The following THOP1 variants were observed in gnomAD, a reference collection of about 807,000 sequenced individuals.
THOP1 encodes thimet oligopeptidase 1.
Under a neutral mutation model 71.8 loss-of-function variants are expected in THOP1, and 49 were observed. That is an observed-to-expected ratio of 0.68 (90% CI 0.54 to 0.87). The LOEUF (loss-of-function observed/expected upper bound fraction) is 0.87. Ranked by LOEUF, THOP1 falls within the 40% of genes least tolerant of loss-of-function variation. THOP1 has a pLI of 0.00. For missense variants in THOP1, 843 were observed against 975.6 expected (o/e 0.86, Z 1.81); for synonymous variants, 426 against 421.5 (o/e 1.01, Z -0.13).
chr19:2,812,038 C>G, intron 12 of THOP1: 1 of 1,079,512 alleles, frequency 9.3e-7, no homozygotes, highest in South Asian at 1.7e-5. Context: ...AAGCTCCACA[C>G]TGGCCCCTCA....
chr19:2,812,429 C>T, intron 12 of THOP1: 1 of 1,421,570 alleles, frequency 7.0e-7, no homozygotes, highest in Non-Finnish European at 9.2e-7. Context: ...GGTGCAGAGG[C>T]CAGGACCTGG....
Position 2,813,162 on chromosome 19 carries a change from G to A in THOP1, c.1956G>A (p.Glu652=). The change falls in exon 13 of 13, where the codon GAG becomes GAA. Residue 652 remains glutamate (E), a synonymous_variant. Transcript: ENST00000307741. ...RSCILRPGGS[E]DASAMLRRFL... ...GCATCCTGAGACCCGGCGGTTCCGA[G>A]GATGCCAGCGCCATGCTGAGGCGCT... 6.2e-7 allele frequency: 1 copy of A among 1,612,152 alleles called. No homozygotes were observed. The highest frequency in any genetic ancestry group is 8.5e-7 in the Non-Finnish European group (1 of 1,179,630).
At chr19:2,795,669 A>G (rs1915996504) in intron 3 of THOP1, among the ~76,000 whole-genome samples, 1 of 152,072 alleles carries the variant, frequency 6.6e-6, no homozygotes, top group Non-Finnish European at 1.5e-5. Flanking sequence ...TCCCACCTCC[A>G]CTTTCCAGAG....
At chr19:2,811,483 T>A in intron 11 of THOP1, 115 bp from the exon 12 acceptor site, 1 of 1,409,594 alleles carries the variant, frequency 7.1e-7, no homozygotes. Context: ...ACCGTGATCC[T>A]CCAGCTTCTC....
Position 2,810,355 on chromosome 19 carries a change from G to T in THOP1, c.1507G>T (p.Ala503Ser). 1 of 1,611,772 alleles carries T rather than the reference G, an allele frequency of 6.2e-7. No homozygotes were observed. The highest frequency in any genetic ancestry group is 8.5e-7 in the Non-Finnish European group (1 of 1,179,742). ...GTHVERDFVE[A>S]PSQMLENWVW... Reference sequence around the variant, plus strand: ...CCACGTGGAGCGGGACTTTGTGGAGGCGCCGTCGCAGATGCTGGAGAACTG... The same window carrying T: ...CCACGTGGAGCGGGACTTTGTGGAGTCGCCGTCGCAGATGCTGGAGAACTG... Residue 503 changes from alanine to serine, a missense_variant, in exon 10 of 13, where the codon GCG (alanine) becomes TCG (serine). Ala to Ser is a moderately conservative substitution (Grantham distance 99). Coordinates refer to ENST00000307741, the MANE Select transcript of THOP1 (RefSeq NM_003249.5).
rs1316841419 is a variant in THOP1, at chr19:2,806,004, T to C, written c.750+828T>C. 4 of 10,778 alleles carry C rather than the reference T, an allele frequency of 3.7e-4. No homozygotes were observed. The East Asian group carries it at 8.6e-3, about 23-fold the overall frequency. The allele number at this position is 10,778 out of a possible 1,614,324, so 0.7% of individuals were successfully genotyped here. On this transcript the variant is annotated intron_variant, in intron 6 of 12. Transcript: ENST00000307741. ...ATCACTGCGGGGGGTGGGGGACGGG[T>C]GGGTACCAATGGGGGTACAGGTGGG...
intron 3 of THOP1, 60 bp downstream of exon 3, chr19:2,794,972 C>G (rs923484285): frequency 1.9e-6 from 3 of 1,563,886 alleles, no homozygotes; most frequent in African/African-American, 2.7e-5. Flanking sequence ...TACAGGCGCC[C>G]GCCACCACAC....
At chr19:2,806,734 T>G in intron 6 of THOP1, 183 bp from the exon 7 acceptor site, 1 of 1,038,554 alleles carries the variant, frequency 9.6e-7, no homozygotes, top group Non-Finnish European at 1.4e-6. Context: ...AAAAAGGCCT[T>G]GGGATTATGA....
In THOP1 at chr19:2,804,201, A is replaced by T. The variant is rs1028055251; in HGVS notation, c.590-815A>T. ...GGCGTCTCCCGAGCCATGAGGTAGG[A>T]ACCCCAGAGGGTTTCAGTCCGGGAT... On this transcript the variant is annotated intron_variant, in intron 5 of 12. Transcript: ENST00000307741. This position sits in a 1 kb window ranked among gnomAD's most constrained non-coding sequence, Gnocchi z 4.7. Among the ~76,000 whole-genome samples the T allele has an allele frequency of 6.6e-6, 1 of 152,166 alleles. No individual in the cohort carries two copies. Among genetic ancestry groups the T allele is most frequent in the Non-Finnish European group, 1.5e-5 (1 of 68,028 alleles).
intron 12 of THOP1, 152 bp from the exon 13 acceptor site, chr19:2,812,963 A>AC: frequency 1.2e-6 from 1 of 825,388 alleles, no homozygotes; most frequent in Non-Finnish European, 1.9e-6. Context: ...GCGCTCTCCC[A>AC]CCTGTGCTGA....
Position 2,813,903 on chromosome 19 carries a change from C to G in THOP1, c.*627C>G, listed in dbSNP as rs1027825459. 6.6e-6 allele frequency: 1 copy of G among 152,456 alleles called. No homozygotes were observed. Among genetic ancestry groups the G allele is most frequent in the Non-Finnish European group, 1.5e-5 (1 of 68,236 alleles). 9.4% of individuals were successfully genotyped at this position (152,456 alleles called of 1,614,324 possible). A position where few individuals can be genotyped will look rare whatever the true frequency, so the allele number is the denominator to read the frequency against. On this transcript the variant is annotated 3_prime_UTR_variant, in exon 13 of 13. Coordinates refer to ENST00000307741, the MANE Select transcript of THOP1 (RefSeq NM_003249.5). ...GACCAGGCTCCACTGGTCAGAGAGT[C>G]TGGAAAGTCAGGGCAGGCCCTGTGC...
At position 2,810,753 on chromosome 19, in the gene THOP1, G is replaced by A. The variant is rs372119051; in HGVS notation, c.1756G>A (p.Val586Ile). The change falls in exon 11 of 13, where the codon GTC becomes ATC. Residue 586 changes from valine (V) to isoleucine (I), a missense_variant. Physicochemically the swap from Val to Ile is conservative, Grantham distance 29. Transcript: ENST00000307741. ...GCGGCTCTGCCAGGAGATCCTCGGG[G>A]TCCCGGCCACGCCAGGTAGCCACCC... ...YARLCQEILG[V>I]PATPGTNMPA... 9 of 1,602,408 alleles carry A rather than the reference G, an allele frequency of 5.6e-6. No homozygotes were observed. Among genetic ancestry groups the A allele is most frequent in the Non-Finnish European group, 7.7e-6 (9 of 1,176,456 alleles).
At chr19:2,786,721 C>T (rs1054384279) in intron 1 of THOP1, among the ~76,000 whole-genome samples, 4 of 149,738 alleles carry the variant, frequency 2.7e-5, no homozygotes, top group Non-Finnish European at 5.9e-5. Context: ...GCTTCAGCCT[C>T]CCAAGCAGCT....
At chr19:2,807,129 A>T in intron 7 of THOP1, 77 bp downstream of exon 7, 6 of 1,482,794 alleles carry the variant, frequency 4.0e-6, no homozygotes, top group Non-Finnish European at 4.5e-6. Context: ...AGTCGGTGCT[A>T]CCCCTAGAGC....
Position 2,802,025 on chromosome 19 carries a change from GATACCGCTACCTCTCA to G in THOP1, c.589+2242_589+2257del, listed in dbSNP as rs1166743841. Among the ~76,000 whole-genome samples, 49 of 149,866 alleles carry G rather than the reference GATACCGCTACCTCTCA, an allele frequency of 3.3e-4. 1 individual carries two copies. The highest frequency in any genetic ancestry group is 2.8e-3 in the Admixed American group (42 of 15,072). Reference sequence around the variant, plus strand: ...ACATCTCCCAATACCCACATCTCCCGATACCGCTACCTCTCAATACCGCCACCTCCCAACACTGCCA... The same window carrying G: ...ACATCTCCCAATACCCACATCTCCCGATACCGCCACCTCCCAACACTGCCA... On this transcript the variant is annotated intron_variant, in intron 5 of 12. Transcript: ENST00000307741.
Position 2,788,153 on chromosome 19 carries a change from C to T in THOP1, c.17-2268C>T, listed in dbSNP as rs538589654. On this transcript the variant is annotated intron_variant, in intron 1 of 12. Transcript: ENST00000307741. ...GGATACAAGATGTTTTGCCTTCATA[C>T]CTCACTGAATTCTTAGACAGTTCTT... Among the ~76,000 whole-genome samples, 35 of 152,288 alleles carry T rather than the reference C, an allele frequency of 2.3e-4. 1 individual carries two copies. The highest frequency in any genetic ancestry group is 8.2e-4 in the African/African-American group (34 of 41,550).
In THOP1 at chr19:2,807,174, C is replaced by T. The variant is rs543918594; in HGVS notation, c.886+122C>T. On this transcript the variant is annotated intron_variant, in intron 7 of 12. Transcript: ENST00000307741. Reference sequence around the variant, plus strand: ...TCCCTCCATGAAGAGGGACTTCTGACGCCTGCCCTGGCTCCCTCACTCCCC... The same window carrying T: ...TCCCTCCATGAAGAGGGACTTCTGATGCCTGCCCTGGCTCCCTCACTCCCC... The T allele has an allele frequency of 6.2e-5, 84 of 1,354,088 alleles. No homozygotes were observed. The African/African-American group carries it at 7.7e-4, about 12-fold the overall frequency. 83.9% of individuals were successfully genotyped at this position (1,354,088 alleles called of 1,614,324 possible).
chr19:2,799,670 G>GT lies in THOP1; in HGVS notation c.487-19_487-18insT. The GT allele has an allele frequency of 6.5e-7, 1 of 1,545,370 alleles. No individual in the cohort carries two copies. Among genetic ancestry groups the GT allele is most frequent in the Non-Finnish European group, 8.9e-7 (1 of 1,128,022 alleles). The stretch of plus-strand genomic sequence containing the variant: ...CGCCCCGGTCTCTCCCTCCCCTCAC[G>GT]CCCCGCCTTTCTCTCCAGAACATCA... On this transcript the variant is annotated intron_variant, in intron 4 of 12. Transcript: ENST00000307741.
intron 9 of THOP1, 135 bp from the exon 10 acceptor site, chr19:2,810,169 G>A: frequency 1.8e-6 from 2 of 1,141,326 alleles, no homozygotes; most frequent in Non-Finnish European, 2.4e-6. Flanking sequence ...TTCCAGTTTT[G>A]GGGTGGGAGG....
Sources: gnomAD v4.1 joint callset for allele counts (sites outside exome capture counted in the v4.1 genomes callset) on GRCh38, gnomAD v4.1.1 for gene constraint, Gnocchi (gnomAD v3.1) non-coding constraint, MANE v1.5 for transcripts, NCBI Gene and HGNC (gene_info 2026-07-23, HGNC 2026-07-21) for gene names.